The following TRPM3 variants were observed in gnomAD, a reference collection of about 807,000 sequenced individuals.
TRPM3 encodes long transient receptor potential channel 3.
In TRPM3, 77 loss-of-function variants were observed where a neutral mutation model predicts 181.2. The ratio of observed to expected loss-of-function variants is 0.42; its 90% CI spans 0.35 to 0.51. The LOEUF is 0.51. TRPM3 is among the 20% of genes least tolerant of loss of function. The pLI is 0.01. For missense variants in TRPM3, 1,759 were observed against 2,196.7 expected, an observed-to-expected ratio of 0.80 and a Z score of 3.98; for synonymous variants, 745 against 796.4, an observed-to-expected ratio of 0.94 and a Z score of 1.09.
intron 1 of TRPM3, among the ~76,000 whole-genome samples, chr9:71,270,659 T>A (rs905165217): frequency 6.6e-6 from 1 of 152,196 alleles, no homozygotes; most frequent in Non-Finnish European, 1.5e-5. Flanking sequence ...AAGAATGATA[T>A]CTTCCTAATA....
intron 11 of TRPM3, among the ~76,000 whole-genome samples, chr9:70,635,483 T>TG (rs2057018528): frequency 6.7e-6 from 1 of 148,654 alleles, no homozygotes; most frequent in Non-Finnish European, 1.5e-5. Context: ...TTTTTTTTTT[T>TG]GATACAGGGT....
At chr9:71,216,131 A>G (rs562536723) in intron 1 of TRPM3, among the ~76,000 whole-genome samples, 6 of 152,362 alleles carry the variant, frequency 3.9e-5, no homozygotes, top group South Asian at 2.1e-4. Context: ...TTTGCTCTCA[A>G]CTAAGGGATC....
intron 1 of TRPM3, among the ~76,000 whole-genome samples, chr9:71,399,536 T>TTTTTG (rs1017076399): frequency 2.8e-5 from 4 of 141,874 alleles, no homozygotes; most frequent in African/African-American, 1.1e-4. Context: ...GTTTTTTTTT[T>TTTTTG]TTTTTTTTTT....
At chr9:70,806,391 G>C (rs897372535) in intron 6 of TRPM3, among the ~76,000 whole-genome samples, 2 of 152,124 alleles carry the variant, frequency 1.3e-5, no homozygotes, top group Admixed American at 6.5e-5. Context: ...ATCTTAAGGG[G>C]TTCAAGGTTA....
chr9:71,308,746 C>T (rs1847503), intron 1 of TRPM3, among the ~76,000 whole-genome samples: 7,189 of 152,044 alleles, frequency 0.047, 409 homozygotes, highest in African/African-American at 0.14. Context: ...CCAAAGTAAG[C>T]TTGCAATGAA....
intron 8 of TRPM3, among the ~76,000 whole-genome samples, chr9:70,686,155 CACAT>C (rs1003467474): frequency 1.5e-4 from 23 of 151,508 alleles, no homozygotes; most frequent in African/African-American, 5.3e-4. Context: ...TGTATATACA[CACAT>C]ACGTATGTAA....
intron 1 of TRPM3, among the ~76,000 whole-genome samples, chr9:70,888,621 G>C (rs1271513972): frequency 1.3e-5 from 2 of 152,100 alleles, no homozygotes; most frequent in Admixed American, 6.6e-5. Context: ...AAAAATTTCA[G>C]ATTGAAAGAA....
chr9:70,867,763 C>T (rs764098961), intron 1 of TRPM3, among the ~76,000 whole-genome samples: 4 of 152,058 alleles, frequency 2.6e-5, no homozygotes, highest in Non-Finnish European at 5.9e-5. Context: ...TTGTGAGCTT[C>T]GCTTTATCAT....
intron 1 of TRPM3, among the ~76,000 whole-genome samples, chr9:71,390,822 G>A (rs117236212): frequency 0.037 from 5,631 of 152,032 alleles, 186 homozygotes; most frequent in Admixed American, 0.12. Flanking sequence ...TGAGCTCCAC[G>A]ATTACTTTTC....
intron 1 of TRPM3, among the ~76,000 whole-genome samples, chr9:70,952,816 G>A (rs2097019331): frequency 6.6e-6 from 1 of 152,098 alleles, no homozygotes; most frequent in South Asian, 2.1e-4. Context: ...TAATGCACGT[G>A]AAATATTCTG....
At chr9:70,751,962 T>A (rs991234941) in intron 8 of TRPM3, among the ~76,000 whole-genome samples, 1 of 151,520 alleles carries the variant, frequency 6.6e-6, no homozygotes, top group African/African-American at 2.4e-5. Context: ...GGAGAATGAA[T>A]CTTTAATTTC....
chr9:71,330,770 T>C (rs977931305), intron 1 of TRPM3, among the ~76,000 whole-genome samples: 3 of 151,788 alleles, frequency 2.0e-5, no homozygotes, highest in Admixed American at 6.6e-5. Flanking sequence ...GATCCAAGTA[T>C]GTCAGATGAC....
chr9:71,237,502 TATC>T (rs1428691289), intron 1 of TRPM3, among the ~76,000 whole-genome samples: 1 of 152,202 alleles, frequency 6.6e-6, no homozygotes, highest in Non-Finnish European at 1.5e-5. Flanking sequence ...ATTTTCTACT[TATC>T]ATTTATTAGA....
At chr9:71,152,994 CCT>C in intron 1 of TRPM3, among the ~76,000 whole-genome samples, 1 of 152,066 alleles carries the variant, frequency 6.6e-6, no homozygotes, top group East Asian at 1.9e-4. Flanking sequence ...AGAAGCAGCC[CCT>C]GTCATAGTGG....
intron 1 of TRPM3, among the ~76,000 whole-genome samples, chr9:71,402,045 T>A (rs1377306585): frequency 1.3e-5 from 2 of 152,216 alleles, no homozygotes; most frequent in Non-Finnish European, 2.9e-5. Context: ...TTCTGCCAAC[T>A]TTCAGCCAGC....
chr9:70,946,365 C>T (rs1329554498), intron 1 of TRPM3, among the ~76,000 whole-genome samples: 1 of 151,966 alleles, frequency 6.6e-6, no homozygotes, highest in Admixed American at 6.6e-5. Flanking sequence ...ATTCCAACTC[C>T]AACATGTACC....
intron 1 of TRPM3, among the ~76,000 whole-genome samples, chr9:71,240,354 A>G (rs2081590944): frequency 6.6e-6 from 1 of 152,206 alleles, no homozygotes; most frequent in Non-Finnish European, 1.5e-5. Context: ...CCTGGAGGGC[A>G]AGAATTATGC....
intron 6 of TRPM3, among the ~76,000 whole-genome samples, chr9:70,786,620 A>G (rs531212053): frequency 1.3e-5 from 2 of 152,366 alleles, no homozygotes; most frequent in East Asian, 1.9e-4. Context: ...CATGCCTTCA[A>G]AAAGGTAGCC....
intron 1 of TRPM3, among the ~76,000 whole-genome samples, chr9:71,400,287 A>T (rs1354839699): frequency 1.3e-5 from 2 of 152,074 alleles, no homozygotes; most frequent in East Asian, 3.9e-4. Context: ...TGATCCTTAC[A>T]TTATGGTTGA....
Sources: gnomAD v4.1 joint callset for allele counts (sites outside exome capture counted in the v4.1 genomes callset) on GRCh38, gnomAD v4.1.1 for gene constraint, MANE v1.5 for transcripts, NCBI Gene and HGNC (gene_info 2026-07-23, HGNC 2026-07-21) for gene names.